DMD: variants seen among roughly 807,000 people sequenced by gnomAD.
DMD encodes mutant dystrophin.
In DMD, 63 loss-of-function variants were observed where a neutral mutation model predicts 330.1. The ratio of observed to expected loss-of-function variants is 0.19; its 90% confidence interval spans 0.16 to 0.24. The LOEUF (loss-of-function observed/expected upper bound fraction) is 0.24. Ranked by LOEUF, DMD falls within the 10% of genes least tolerant of loss-of-function variation. DMD has a pLI of 1.00. For missense variants in DMD, 3,344 were observed against 2,684.1 expected (o/e 1.25, Z -5.43); for synonymous variants, 1,223 against 959.8 (o/e 1.27, Z -5.07).
chrX:31,187,716 TCAGA>T lies in DMD; in HGVS notation c.9808-4816_9808-4813del, dbSNP rs1355193640. On this transcript the variant is annotated intron_variant, in intron 67 of 78. Transcript: ENST00000357033. ...TCAGCTCTGGAATCTTCCCAGATTC[TCAGA>T]GAGAGAGAGAGAGAGAGAGAGAGAG... Among the ~76,000 whole-genome samples the T allele has an allele frequency of 2.4e-3, 182 of 76,600 alleles. 3 individuals are homozygous for T. The highest frequency in any genetic ancestry group is 9.1e-3 in the South Asian group (12 of 1,325). 66.5% of individuals were successfully genotyped at this position (76,600 alleles called of 115,157 possible).
At chrX:31,244,995 C>G (rs918166318) in intron 63 of DMD, among the ~76,000 whole-genome samples, 6 of 111,828 alleles carry the variant, frequency 5.4e-5, no homozygotes, top group Non-Finnish European at 1.9e-5. Context: ...AACCAATGAA[C>G]GAACGAGGCC....
At chrX:31,248,830 C>T (rs1183911042) in intron 63 of DMD, among the ~76,000 whole-genome samples, 2 of 111,389 alleles carry the variant, frequency 1.8e-5, no homozygotes, top group South Asian at 3.8e-4. Flanking sequence ...ACTGTGTCTC[C>T]TTCCTGGCTC....
At position 32,472,175 on chromosome X, in the gene DMD, C is replaced by A; in HGVS notation, c.2938G>T (p.Gly980Trp). Residue 980 changes from glycine to tryptophan, a missense_variant, in exon 22 of 79, where the codon GGG (glycine) becomes TGG (tryptophan). By Grantham distance (184) the Gly-to-Trp change is radical. Coordinates refer to ENST00000357033, the MANE Select transcript of DMD (RefSeq NM_004006.3). ...TDYEIMEQRL[G>W]ELQALQSSLQ... Reference sequence around the variant, plus strand: ...AAATATTCACAGACCTGCAATTCCCCGAGTCTCTGCTCCATGATTTCATAG... The same window carrying A: ...AAATATTCACAGACCTGCAATTCCCAGAGTCTCTGCTCCATGATTTCATAG... The A allele has an allele frequency of 1.7e-6, 2 of 1,211,030 alleles. No individual in the cohort carries two copies. Among genetic ancestry groups the A allele is most frequent in the Non-Finnish European group, 2.2e-6 (2 of 895,153 alleles).
rs142645984 is a variant in DMD, at chrX:32,959,347, C to T, written c.93+60792G>A. ...AGCTACATTCTGATGACCCTAGATC[C>T]AGGGACTCTTCTCATCCAATTCCGG... On this transcript the variant is annotated intron_variant, in intron 2 of 78. Coordinates refer to ENST00000357033, the MANE Select transcript of DMD (RefSeq NM_004006.3). Among the ~76,000 whole-genome samples the T allele has an allele frequency of 3.6e-5, 4 of 111,244 alleles. No individual in the cohort carries two copies. The East Asian group carries it at 1.1e-3, about 32-fold the overall frequency.
intron 1 of DMD, among the ~76,000 whole-genome samples, chrX:33,049,781 C>A (rs886652734): frequency 9.0e-6 from 1 of 111,092 alleles, no homozygotes; most frequent in Non-Finnish European, 1.9e-5. Context: ...TAATACGAAG[C>A]AATAGGGTCA....
intron 44 of DMD, among the ~76,000 whole-genome samples, chrX:32,039,264 A>G (rs1166034323): frequency 9.0e-6 from 1 of 111,478 alleles, no homozygotes; most frequent in East Asian, 2.8e-4. Context: ...GATACTCTCA[A>G]TGGCCTCATG....
intron 7 of DMD, among the ~76,000 whole-genome samples, chrX:32,753,444 C>T (rs764994847): frequency 1.8e-5 from 2 of 111,346 alleles, no homozygotes; most frequent in South Asian, 7.6e-4. Context: ...TGCATTGAGT[C>T]TACCTTAGAA....
At chrX:32,129,728 G>GGAGAGA (rs775873181) in intron 44 of DMD, among the ~76,000 whole-genome samples, 3 of 21,423 alleles carry the variant, frequency 1.4e-4, no homozygotes, top group Non-Finnish European at 6.5e-4. Context: ...AGAGAGGGAG[G>GGAGAGA]GAGAGAGAGA....
intron 52 of DMD, among the ~76,000 whole-genome samples, chrX:31,685,536 GA>G (rs1231591022): frequency 8.9e-6 from 1 of 112,189 alleles, no homozygotes; most frequent in Non-Finnish European, 1.9e-5. Flanking sequence ...GTGCTACTAT[GA>G]TTTACATTTT....
chrX:32,271,508 T>C (rs1232369870), intron 43 of DMD, among the ~76,000 whole-genome samples: 1 of 112,947 alleles, frequency 8.9e-6, no homozygotes, highest in African/African-American at 3.2e-5. Flanking sequence ...AATATGAAAA[T>C]AATTCTTGTG....
rs753476152 is a variant in DMD at position 32,643,611 on chromosome X, TAA to T, written c.1331+519_1331+520del. On this transcript the variant is annotated intron_variant, in intron 11 of 78. Coordinates refer to ENST00000357033, the MANE Select transcript of DMD (RefSeq NM_004006.3). ...AAATGTCTCAAATCCTCTTTTTTAT[TAA>T]GTCAATATATATTCTTAAGATAATT... Among the ~76,000 whole-genome samples the T allele has an allele frequency of 2.1e-4, 24 of 111,674 alleles. No homozygotes were observed. The East Asian group carries it at 6.5e-3, about 30-fold the overall frequency.
chrX:31,751,126 C>A (rs969471825), intron 51 of DMD, among the ~76,000 whole-genome samples: 1 of 107,597 alleles, frequency 9.3e-6, no homozygotes, highest in African/African-American at 3.4e-5. Flanking sequence ...TGACTTTCTT[C>A]ACAGAATTGG....
intron 55 of DMD, among the ~76,000 whole-genome samples, chrX:31,538,316 T>A (rs2073565011): frequency 8.9e-6 from 1 of 112,274 alleles, no homozygotes; most frequent in Admixed American, 9.4e-5. Context: ...GTTTTGGAAT[T>A]TGGAACATTT....
intron 43 of DMD, among the ~76,000 whole-genome samples, chrX:32,240,995 C>A (rs1000454890): frequency 8.9e-6 from 1 of 112,157 alleles, no homozygotes; most frequent in Non-Finnish European, 1.9e-5. Context: ...TCCTGAAAAA[C>A]AAATTGGCTT....
chrX:31,623,501 A>C (rs1469794884), intron 55 of DMD, among the ~76,000 whole-genome samples: 1 of 111,276 alleles, frequency 9.0e-6, no homozygotes. Flanking sequence ...TGACCTCGTG[A>C]TCCGCCCGCC....
chrX:32,958,671 TG>T (rs951857975), intron 2 of DMD, among the ~76,000 whole-genome samples: 1 of 111,632 alleles, frequency 9.0e-6, no homozygotes, highest in Non-Finnish European at 1.9e-5. Flanking sequence ...GCTTTGCAAA[TG>T]GTATTTCTTA....
chrX:32,088,016 T>C lies in DMD; in HGVS notation c.6439-119502A>G, dbSNP rs779289093. ...AATGAAAGTGGGGAAATGTACTGTA[T>C]GTTATGGACTTGACCTTCGTCTATA... On this transcript the variant is annotated intron_variant, in intron 44 of 78. Coordinates refer to ENST00000357033, the MANE Select transcript of DMD (RefSeq NM_004006.3). 1.7e-4 allele frequency among the ~76,000 whole-genome samples: 19 copies of C among 112,601 alleles called. No individual in the cohort carries two copies. The East Asian group carries it at 5.0e-3, about 30-fold the overall frequency.
chrX:31,606,724 T>C (rs1350503568), intron 55 of DMD, among the ~76,000 whole-genome samples: 2 of 112,299 alleles, frequency 1.8e-5, no homozygotes, highest in African/African-American at 6.5e-5. Flanking sequence ...GAAACTATTA[T>C]ATAAAACAAA....
At chrX:31,805,777 C>T (rs1329583549) in intron 50 of DMD, among the ~76,000 whole-genome samples, 1 of 112,166 alleles carries the variant, frequency 8.9e-6, no homozygotes, top group Non-Finnish European at 1.9e-5. Context: ...ATTAATAACA[C>T]TGCTGATGAT....
Sources: gnomAD v4.1 joint callset for allele counts (sites outside exome capture counted in the v4.1 genomes callset) on GRCh38, gnomAD v4.1.1 for gene constraint, MANE v1.5 for transcripts, NCBI Gene and HGNC (gene_info 2026-07-23, HGNC 2026-07-21) for gene names.